RNF216: variants seen among roughly 807,000 people sequenced by gnomAD.
RNF216 encodes the protein ring finger protein 216.
A neutral mutation model predicts 110.8 loss-of-function variants in RNF216; 72 were observed. That is an observed-to-expected ratio of 0.65 (90% CI 0.54 to 0.79). The LOEUF is 0.79. RNF216 is among the 30% of genes least tolerant of loss of function. RNF216 has a pLI of 0.00. For synonymous variants in RNF216, 495 were observed against 407.5 expected (o/e 1.21, Z -2.59); for missense variants, 1,342 against 1,141.2 (o/e 1.18, Z -2.54).
intron 15 of RNF216, among the ~76,000 whole-genome samples, chr7:5,627,679 G>A (rs936483186): frequency 2.6e-5 from 4 of 151,862 alleles, no homozygotes; most frequent in African/African-American, 9.7e-5. Flanking sequence ...CCTGGGAGGT[G>A]GAGGTTGCAG....
intron 13 of RNF216, among the ~76,000 whole-genome samples, chr7:5,665,628 G>A (rs1301591408): frequency 6.6e-6 from 1 of 151,992 alleles, no homozygotes; most frequent in Non-Finnish European, 1.5e-5. Flanking sequence ...ACCACACATA[G>A]CTGCCGGCTT....
chr7:5,729,919 G>C (rs764246508), intron 6 of RNF216, among the ~76,000 whole-genome samples: 2 of 152,160 alleles, frequency 1.3e-5, no homozygotes, highest in Non-Finnish European at 2.9e-5. Context: ...GACAGTCAAA[G>C]AATCTATGGG....
At chr7:5,673,253 C>A (rs1790040330) in intron 13 of RNF216, among the ~76,000 whole-genome samples, 1 of 152,204 alleles carries the variant, frequency 6.6e-6, no homozygotes. Context: ...ACAGCATGGC[C>A]TCTCCCCGCC....
At position 5,752,932 on chromosome 7, in the gene RNF216, C is replaced by T. The variant is rs766348616; in HGVS notation, c.115G>A (p.Asp39Asn). 9 of 1,611,680 alleles carry T rather than the reference C, an allele frequency of 5.6e-6. No individual in the cohort carries two copies. Among genetic ancestry groups the T allele is most frequent in the African/African-American group, 2.7e-5 (2 of 74,882 alleles). The change falls in exon 3 of 17, where the codon GAT (aspartate) becomes AAT (asparagine). Residue 39 changes from aspartate to asparagine, a missense_variant. Asp to Asn is a conservative substitution (Grantham distance 23). Coordinates refer to ENST00000389902, the MANE Select transcript of RNF216 (RefSeq NM_207111.4). ...DGPITISDSS[D>N]EERIPMLVTP... ...ACCAGCATTGGAATCCTTTCCTCAT[C>T]TGAGGAGTCAGATATGGTGATGGGC...
chr7:5,661,503 T>C (rs1277147756), intron 13 of RNF216, among the ~76,000 whole-genome samples: 1 of 152,162 alleles, frequency 6.6e-6, no homozygotes, highest in African/African-American at 2.4e-5. Context: ...TTATTCCCAT[T>C]TTTAAAAAAG....
At chr7:5,695,834 A>G (rs1393711530) in intron 13 of RNF216, among the ~76,000 whole-genome samples, 1 of 152,250 alleles carries the variant, frequency 6.6e-6, no homozygotes, top group Non-Finnish European at 1.5e-5. Context: ...AACAGTGTCA[A>G]GCCCCATTGT....
intron 13 of RNF216, among the ~76,000 whole-genome samples, chr7:5,690,179 T>C (rs1791245968): frequency 6.8e-6 from 1 of 147,812 alleles, no homozygotes; most frequent in South Asian, 2.2e-4. Flanking sequence ...TACAAAAAAT[T>C]AGCCAGGCAT....
At position 5,767,378 on chromosome 7, in the gene RNF216, G is replaced by C. The variant is rs1378982934; in HGVS notation, c.-69-6240C>G. 5.9e-5 allele frequency among the ~76,000 whole-genome samples: 9 copies of C among 152,134 alleles called. No individual in the cohort carries two copies. In the East Asian group the frequency reaches 1.7e-3, roughly 29 times the overall value. On this transcript the variant is annotated intron_variant, in intron 1 of 16. Coordinates refer to ENST00000389902, the MANE Select transcript of RNF216 (RefSeq NM_207111.4). ...ATTTCAATGGGCTGAGGAGTTGAAG[G>C]TCAGAGTTTGGGGCTGCCAAAGTAG...
At chr7:5,705,373 C>A (rs1230033470) in intron 13 of RNF216, among the ~76,000 whole-genome samples, 1 of 152,350 alleles carries the variant, frequency 6.6e-6, no homozygotes, top group Non-Finnish European at 1.5e-5. Flanking sequence ...CCTGTGAGAC[C>A]TCTGGCTTTC....
At chr7:5,638,781 G>A (rs1174346670) in intron 15 of RNF216, among the ~76,000 whole-genome samples, 2 of 151,876 alleles carry the variant, frequency 1.3e-5, no homozygotes, top group African/African-American at 2.4e-5. Context: ...ATGACTACAG[G>A]TGAGCACCAC....
At chr7:5,776,950 A>G (rs1025757974) in intron 1 of RNF216, among the ~76,000 whole-genome samples, 3 of 51,904 alleles carry the variant, frequency 5.8e-5, no homozygotes, top group African/African-American at 2.1e-4. Context: ...GAGAGAAAAA[A>G]AGAAAGAAAG....
intron 13 of RNF216, among the ~76,000 whole-genome samples, chr7:5,655,458 C>A (rs975731056): frequency 4.6e-5 from 7 of 152,122 alleles, no homozygotes; most frequent in African/African-American, 1.7e-4. Flanking sequence ...ATTAGCTGGA[C>A]GTGGTGGCAA....
chr7:5,738,478 G>T (rs1170633585), intron 5 of RNF216, among the ~76,000 whole-genome samples: 1 of 152,126 alleles, frequency 6.6e-6, no homozygotes, highest in East Asian at 1.9e-4. Flanking sequence ...GGAGGCCGAG[G>T]CGGGTGGATC....
intron 1 of RNF216, among the ~76,000 whole-genome samples, chr7:5,766,070 C>T (rs759353250): frequency 1.3e-5 from 2 of 151,490 alleles, no homozygotes; most frequent in East Asian, 3.9e-4. Context: ...AATCACTTGA[C>T]GCTAGGGGTT....
At chr7:5,719,969 T>C (rs555066746) in intron 9 of RNF216, among the ~76,000 whole-genome samples, 263 of 152,348 alleles carry the variant, frequency 1.7e-3, no homozygotes, top group South Asian at 8.3e-3. Context: ...TTTCCAACGG[T>C]CAAAACTTGG....
In RNF216 at chr7:5,680,952, C is replaced by G. The variant is rs534207796; in HGVS notation, c.2062-28442G>C. Among the ~76,000 whole-genome samples the G allele has an allele frequency of 3.3e-5, 5 of 152,234 alleles. No homozygotes were observed. Among genetic ancestry groups the G allele is most frequent in the Non-Finnish European group, 7.3e-5 (5 of 68,042 alleles). On this transcript the variant is annotated intron_variant, in intron 13 of 16. Coordinates refer to ENST00000389902, the MANE Select transcript of RNF216 (RefSeq NM_207111.4). The surrounding 1 kb of genome is among the most constrained non-coding windows in gnomAD (Gnocchi z 4.3). ...GTCCAAAACCCAGCCTAGATCCCCT[C>G]TGGCTGGGCCATGGCGGAGAGCCTG...
intron 3 of RNF216, among the ~76,000 whole-genome samples, chr7:5,742,914 T>A (rs1453664085): frequency 1.3e-5 from 2 of 152,090 alleles, no homozygotes; most frequent in African/African-American, 4.8e-5. Flanking sequence ...AAAATTCTTA[T>A]ACTATCATTT....
At chr7:5,738,807 C>T (rs1212080007) in intron 5 of RNF216, among the ~76,000 whole-genome samples, 3 of 150,600 alleles carry the variant, frequency 2.0e-5, no homozygotes, top group Non-Finnish European at 4.4e-5. Flanking sequence ...AATGTCTTAA[C>T]ATCTTGACTA....
chr7:5,708,143 T>C (rs1216831485), intron 13 of RNF216, among the ~76,000 whole-genome samples: 3 of 152,268 alleles, frequency 2.0e-5, no homozygotes, highest in Admixed American at 1.3e-4. Context: ...TGTTAAGACC[T>C]GTATTATGAT....
Sources: allele counts gnomAD v4.1 joint callset (sites outside exome capture counted in the v4.1 genomes callset), GRCh38; gene constraint gnomAD v4.1.1; non-coding constraint Gnocchi (gnomAD v3.1); transcripts MANE v1.5; gene names NCBI Gene and HGNC (gene_info 2026-07-23, HGNC 2026-07-21).